TG: variants seen among roughly 807,000 people sequenced by gnomAD.
TG encodes thyroglobulin.
In TG, 270 loss-of-function variants were observed where a neutral mutation model predicts 324.7. The ratio of observed to expected loss-of-function variants is 0.83; its 90% CI spans 0.75 to 0.92. The LOEUF (loss-of-function observed/expected upper bound fraction) is 0.92. Ranked by LOEUF, TG falls within the 40% of genes least tolerant of loss-of-function variation. The pLI is 0.00. For synonymous variants in TG, 1,401 were observed against 1,327.0 expected (o/e 1.06, Z -1.21); for missense variants, 3,591 against 3,456.4 (o/e 1.04, Z -0.98).
Position 132,871,479 on chromosome 8 carries a change from G to A in TG, c.406G>A (p.Val136Ile), listed in dbSNP as rs777999068. 46 of 1,614,054 alleles carry A rather than the reference G, an allele frequency of 2.8e-5. No individual in the cohort carries two copies. The highest frequency in any genetic ancestry group is 3.6e-5 in the Non-Finnish European group (43 of 1,180,046). ...YAPVQCDVQQ[V>I]QCWCVDAEGM... ...GCCTGTTCAGTGTGATGTGCAGCAG[G>A]TCCAGTGCTGGTGTGTGGACGCAGA... The change falls in exon 4 of 48, where the codon GTC becomes ATC. Residue 136 changes from valine (V) to isoleucine (I), a missense_variant. Physicochemically the swap from Val to Ile is conservative, Grantham distance 29 (BLOSUM62 3). Coordinates refer to ENST00000220616, the MANE Select transcript of TG (RefSeq NM_003235.5).
At chr8:133,060,184 CTGG>C (rs1842164658) in intron 41 of TG, 1 of 1,612,988 alleles carries the variant, frequency 6.2e-7, no homozygotes, top group Non-Finnish European at 8.5e-7. Flanking sequence ...CCTGGGGCCG[CTGG>C]TGATGCCCAG....
At chr8:133,100,523 T>C (rs1849077340) in intron 43 of TG, among the ~76,000 whole-genome samples, 1 of 152,248 alleles carries the variant, frequency 6.6e-6, no homozygotes, top group African/African-American at 2.4e-5. Context: ...GACTATGTGC[T>C]GGGCCCTAAC....
At chr8:132,941,643 G>A in intron 26 of TG, 101 bp downstream of exon 26, 2 of 1,373,610 alleles carry the variant, frequency 1.5e-6, no homozygotes, top group Non-Finnish European at 1.0e-6. Flanking sequence ...GGAGTACAGT[G>A]TGAGTGCCTA....
intron 35 of TG, among the ~76,000 whole-genome samples, chr8:133,009,005 C>T (rs917263089): frequency 2.6e-5 from 4 of 152,184 alleles, no homozygotes; most frequent in South Asian, 2.1e-4. Flanking sequence ...TCCAGGGGTT[C>T]ATGCAGGCCA....
Position 132,936,405 on chromosome 8 carries a change from T to C in TG, c.5041+541T>C, listed in dbSNP as rs527441783. On this transcript the variant is annotated intron_variant, in intron 25 of 47. Transcript: ENST00000220616. ...TTCCTCCCAGTGAACCCAGGCCCTG[T>C]AAGGTGCAAACCTGAGTTAGTAAAT... Among the ~76,000 whole-genome samples, 3 of 152,306 alleles carry C rather than the reference T, an allele frequency of 2.0e-5. No homozygotes were observed. In the South Asian group the frequency reaches 6.2e-4, roughly 32 times the overall value.
At position 132,872,760 on chromosome 8, in the gene TG, C is replaced by G. The variant is rs573989702; in HGVS notation, c.479-302C>G. 9.2e-5 allele frequency among the ~76,000 whole-genome samples: 14 copies of G among 152,198 alleles called. No individual in the cohort carries two copies. In the South Asian group the frequency reaches 2.9e-3, roughly 32 times the overall value. ...GTACCGTTTCTATGCTTAGGTATGT[C>G]TAGATACACAAATACTCACCATTGT... On this transcript the variant is annotated intron_variant, in intron 4 of 47. Transcript: ENST00000220616.
intron 35 of TG, among the ~76,000 whole-genome samples, chr8:133,008,412 G>A (rs973078812): frequency 2.6e-5 from 4 of 151,938 alleles, no homozygotes; most frequent in African/African-American, 2.4e-5. Flanking sequence ...AAGTACTCAC[G>A]ATGCGATAAG....
At chr8:133,122,284 A>G (rs1851203920) in intron 45 of TG, among the ~76,000 whole-genome samples, 1 of 152,202 alleles carries the variant, frequency 6.6e-6, no homozygotes, top group Non-Finnish European at 1.5e-5. Flanking sequence ...TGGAGAGGAG[A>G]GAGGGAAATC....
chr8:132,906,953 G>T (rs906403004), intron 17 of TG, 53 bp downstream of exon 17: 97 of 1,548,366 alleles, frequency 6.3e-5, no homozygotes, highest in Admixed American at 2.3e-4. Flanking sequence ...CAGGGCTAGG[G>T]CTGGGACCGA....
intron 35 of TG, chr8:132,995,136 C>G (rs937017837): frequency 5.1e-5 from 50 of 973,054 alleles, no homozygotes; most frequent in Non-Finnish European, 4.8e-6. Context: ...ATCTCAGTCT[C>G]TGTTCTAATT....
chr8:133,038,640 G>A (rs763671766), intron 41 of TG: 5 of 1,613,886 alleles, frequency 3.1e-6, no homozygotes, highest in South Asian at 1.1e-5. Context: ...TCACTGGTCA[G>A]GGACAGGTAA....
At chr8:132,916,076 T>G (rs949388598) in intron 20 of TG, among the ~76,000 whole-genome samples, 1 of 152,210 alleles carries the variant, frequency 6.6e-6, no homozygotes, top group Non-Finnish European at 1.5e-5. Context: ...GAGGGGCCTA[T>G]AGTGCCACAC....
rs533581318 is a variant in TG at position 132,964,849 on chromosome 8, A to G, written c.5549-1711A>G. The stretch of plus-strand genomic sequence containing the variant: ...TGGACAGGTGTCGGTTGCAGTGAGA[A>G]TGCAGGAGAAGGAATGCTAGCAGCC... On this transcript the variant is annotated intron_variant, in intron 29 of 47. Coordinates refer to ENST00000220616, the MANE Select transcript of TG (RefSeq NM_003235.5). 633 of 699,640 alleles carry G rather than the reference A, an allele frequency of 9.0e-4. 1 individual carries two copies. Among genetic ancestry groups the G allele is most frequent in the Middle Eastern group, 1.4e-3 (6 of 4,336 alleles). 43.3% of individuals were successfully genotyped at this position (699,640 alleles called of 1,614,324 possible).
intron 40 of TG, among the ~76,000 whole-genome samples, chr8:133,022,633 A>C (rs2130944230): frequency 6.6e-6 from 1 of 152,258 alleles, no homozygotes; most frequent in East Asian, 1.9e-4. Flanking sequence ...TACTGGCCTC[A>C]CTTGTGAACA....
chr8:132,885,507 A>G (rs1325065542), intron 8 of TG, among the ~76,000 whole-genome samples: 2 of 152,104 alleles, frequency 1.3e-5, no homozygotes, highest in Admixed American at 6.5e-5. Flanking sequence ...AGCATTTCAG[A>G]TATGGTTCTT....
chr8:132,905,118 A>G (rs1818487918), intron 16 of TG, among the ~76,000 whole-genome samples: 1 of 152,190 alleles, frequency 6.6e-6, no homozygotes, highest in Non-Finnish European at 1.5e-5. Context: ...TACACATCCC[A>G]TAGTAGTTTT....
rs911842449 is a variant in TG, at chr8:133,017,801, G to A, written c.6586G>A (p.Ala2196Thr). The change falls in exon 38 of 48, where the codon GCA becomes ACA. Residue 2196 changes from alanine (A) to threonine (T), a missense_variant. Ala to Thr is a moderately conservative substitution (Grantham distance 58). Transcript: ENST00000220616. ...KPGISLLSYEASVPSVPISTH... is the reference protein window; with the variant it reads ...KPGISLLSYETSVPSVPISTH... ...AGGAATCTCTCTGCTCAGCTATGAG[G>A]CATCTGTACCTTCTGTGCCCATTTC... 5.6e-6 allele frequency: 9 copies of A among 1,614,022 alleles called. No homozygotes were observed. In the Admixed American group the frequency reaches 1.0e-4, roughly 18 times the overall value.
intron 41 of TG, chr8:133,050,613 C>A: frequency 3.9e-6 from 2 of 510,184 alleles, no homozygotes; most frequent in Non-Finnish European, 3.5e-6. Context: ...ATTTGATCTA[C>A]CAGGCAGTGG....
chr8:133,089,670 A>G (rs1365484510), intron 41 of TG, among the ~76,000 whole-genome samples: 1 of 151,308 alleles, frequency 6.6e-6, no homozygotes, highest in African/African-American at 2.4e-5. Context: ...TCATTTGTTC[A>G]CTCCCTCACT....
Sources: gnomAD v4.1 joint callset for allele counts (sites outside exome capture counted in the v4.1 genomes callset) on GRCh38, gnomAD v4.1.1 for gene constraint, MANE v1.5 for transcripts, NCBI Gene and HGNC (gene_info 2026-07-23, HGNC 2026-07-21) for gene names.